The following RBMXL3 variants were observed in gnomAD, a reference collection of about 807,000 sequenced individuals.
RBMXL3 encodes the protein RNA-binding motif protein, X-linked-like-3.
A neutral mutation model predicts 0.8 loss-of-function variants in RBMXL3; 2 were observed. The ratio of observed to expected loss-of-function variants is 2.54; its 90% confidence interval spans 1.04 to 8.00. RBMXL3 has a LOEUF of 8.00. Ranked by LOEUF, RBMXL3 falls within the 30% of genes most tolerant of loss-of-function variation. The pLI is 0.04. For missense variants in RBMXL3, 1,127 were observed against 1,068.0 expected (o/e 1.06, Z -0.77); for synonymous variants, 447 against 449.8 (o/e 0.99, Z 0.08).
At position 115,192,091 on chromosome X, in the gene RBMXL3, G is replaced by T. The variant is rs2072839108; in HGVS notation, c.2650G>T (p.Asp884Tyr). The change falls in exon 1 of 1, where the codon GAC becomes TAC. Residue 884 changes from aspartate (D) to tyrosine (Y), a missense_variant. By Grantham distance (160) the Asp-to-Tyr change is radical. Coordinates refer to ENST00000424776, the MANE Select transcript of RBMXL3 (RefSeq NM_001145346.2). ...CCGATCGCCCGATGCCCACAGCGGG[G>T]ACCACTACACCGAAGCCTACAGCAG... ...RGRSPDAHSG[D>Y]HYTEAYSRGR... 1 of 1,167,231 alleles carries T rather than the reference G, an allele frequency of 8.6e-7. No homozygotes were observed. Among genetic ancestry groups the T allele is most frequent in the Non-Finnish European group, 1.1e-6 (1 of 872,955 alleles).
rs368928761 is a variant in RBMXL3 at position 115,190,590 on chromosome X, C to T, written c.1149C>T (p.Tyr383=). 43 of 1,159,972 alleles carry T rather than the reference C, an allele frequency of 3.7e-5. No individual in the cohort carries two copies. The highest frequency in any genetic ancestry group is 3.4e-4 in the African/African-American group (19 of 56,036). ...SSNGYSRSDR[Y]GEEGCYEEYR... The stretch of plus-strand genomic sequence containing the variant: ...ACGGTTACAGCCGGAGTGACCGCTA[C>T]GGAGAAGAAGGCTGCTACGAGGAGT... Residue 383 remains tyrosine (Y), a synonymous_variant, in exon 1 of 1, where the codon TAC becomes TAT. Coordinates refer to ENST00000424776, the MANE Select transcript of RBMXL3 (RefSeq NM_001145346.2).
In RBMXL3 at chrX:115,192,769, TA is replaced by T. The variant is rs1187257665; in HGVS notation, c.*126del. On this transcript the variant is annotated 3_prime_UTR_variant, in exon 1 of 1. Coordinates refer to ENST00000424776, the MANE Select transcript of RBMXL3 (RefSeq NM_001145346.2). ...TTTTTACCTTTTAAGAATTTCCTGTTAAGATCTCCATTTTTATGCTTTTGTG... is the reference window on the plus strand; with the variant it reads ...TTTTTACCTTTTAAGAATTTCCTGTTAGATCTCCATTTTTATGCTTTTGTG... 4.4e-6 allele frequency: 3 copies of T among 682,711 alleles called. No individual in the cohort carries two copies. Among genetic ancestry groups the T allele is most frequent in the Non-Finnish European group, 6.5e-6 (3 of 461,157 alleles). 56.3% of individuals were successfully genotyped at this position (682,711 alleles called of 1,213,427 possible).
Position 115,192,080 on chromosome X carries a change from C to A in RBMXL3, c.2639C>A (p.Ala880Asp). Residue 880 changes from alanine (A) to aspartate (D), a missense_variant, in exon 1 of 1, where the codon GCC (alanine) becomes GAC (aspartate). Physicochemically the swap from Ala to Asp is moderately radical, Grantham distance 126. Transcript: ENST00000424776. ...DTHSRGRSPD[A>D]HSGDHYTEAY... ...CACAGCAGGGGCCGATCGCCCGATG[C>A]CCACAGCGGGGACCACTACACCGAA... The A allele has an allele frequency of 8.6e-7, 1 of 1,164,955 alleles. No homozygotes were observed. Among genetic ancestry groups the A allele is most frequent in the South Asian group, 1.9e-5 (1 of 52,632 alleles).
In RBMXL3 at chrX:115,190,540, A is replaced by T; in HGVS notation, c.1099A>T (p.Ser367Cys). 8.6e-7 allele frequency: 1 copy of T among 1,159,488 alleles called. No individual in the cohort carries two copies. The highest frequency in any genetic ancestry group is 1.1e-6 in the Non-Finnish European group (1 of 869,660). Residue 367 changes from serine (S) to cysteine (C), a missense_variant, in exon 1 of 1, where the codon AGT becomes TGT. Ser to Cys is a moderately radical substitution (Grantham distance 112). Transcript: ENST00000424776. Reference sequence around the variant, plus strand: ...CAGGGACCACTCGCCCAAAGCCTATAGTGGGGGCCGCAGCAGTTCCAGTAA... The same window carrying T: ...CAGGGACCACTCGCCCAAAGCCTATTGTGGGGGCCGCAGCAGTTCCAGTAA... ...YSRDHSPKAYSGGRSSSSNGY... is the reference protein window; with the variant it reads ...YSRDHSPKAYCGGRSSSSNGY...
At position 115,191,905 on chromosome X, in the gene RBMXL3, C is replaced by T. The variant is rs1556560428; in HGVS notation, c.2464C>T (p.Arg822Ter). 6.0e-6 allele frequency: 7 copies of T among 1,164,585 alleles called. No homozygotes were observed. The South Asian group carries it at 7.6e-5, about 13-fold the overall frequency. ...CRGGGRYEEN[R>*]GHSLDANSGG... The stretch of plus-strand genomic sequence containing the variant: ...AGGAGGAGGCCGCTACGAGGAGAAC[C>T]GAGGTCACTCTCTCGATGCCAACAG... Residue 822 changes from arginine to a stop codon, truncating the protein, a stop_gained, in exon 1 of 1, where the codon CGA (arginine) becomes TGA (stop). Coordinates refer to ENST00000424776, the MANE Select transcript of RBMXL3 (RefSeq NM_001145346.2). LOFTEE classifies it low-confidence loss of function (END_TRUNC).
Position 115,191,251 on chromosome X carries a change from G to C in RBMXL3, c.1810G>C (p.Gly604Arg), listed in dbSNP as rs782710190. Residue 604 changes from glycine to arginine, a missense_variant, in exon 1 of 1, where the codon GGA becomes CGA. Physicochemically the swap from Gly to Arg is moderately radical, Grantham distance 125. Transcript: ENST00000424776. ...AGGCCGCTCCCTCGATGCCAACAGT[G>C]GAGGCCGCTCGCCCAATGCCTACAG... ...YRGRSLDANS[G>R]GRSPNAYSGG... is the part of the protein sequence containing the mutation. 3.5e-6 allele frequency: 4 copies of C among 1,153,387 alleles called. No homozygotes were observed. The South Asian group carries it at 7.7e-5, about 22-fold the overall frequency.
At position 115,189,727 on chromosome X, in the gene RBMXL3, C is replaced by A. The variant is rs1556556322; in HGVS notation, c.286C>A (p.Pro96Thr). 3 of 1,166,773 alleles carry A rather than the reference C, an allele frequency of 2.6e-6. No homozygotes were observed. In the African/African-American group the frequency reaches 5.3e-5, roughly 21 times the overall value. ...GGCATTCAAGAGCAGCCGATGGGTC[C>A]CGCCAACCCCCGGCAGCGGCAGTCG... ...KPAFKSSRWVPPTPGSGSRSR... is the reference protein window; with the variant it reads ...KPAFKSSRWVTPTPGSGSRSR... The change falls in exon 1 of 1, where the codon CCG becomes ACG. Residue 96 changes from proline to threonine, a missense_variant. Coordinates refer to ENST00000424776, the MANE Select transcript of RBMXL3 (RefSeq NM_001145346.2).
chrX:115,192,334 G>C lies in RBMXL3; in HGVS notation c.2893G>C (p.Asp965His). Residue 965 changes from aspartate to histidine, a missense_variant, in exon 1 of 1, where the codon GAC becomes CAC. Physicochemically the swap from Asp to His is moderately conservative, Grantham distance 81 (BLOSUM62 -1). Transcript: ENST00000424776. ...GCCTGACGCCCACAGTGGGGGCCGC[G>C]ACAGTTCCATCAAGAGTTACGGCCT... ...PSPDAHSGGR[D>H]SSIKSYGLSD... The C allele has an allele frequency of 6.5e-6, 7 of 1,080,699 alleles. No homozygotes were observed. The highest frequency in any genetic ancestry group is 8.7e-6 in the Non-Finnish European group (7 of 809,108). The allele number at this position is 1,080,699 out of a possible 1,213,427, so 89.1% of individuals were successfully genotyped here.
Position 115,191,664 on chromosome X carries a change from T to C in RBMXL3, c.2223T>C (p.Tyr741=), listed in dbSNP as rs782265644. The change falls in exon 1 of 1, where the codon TAT becomes TAC. Residue 741 remains tyrosine, a synonymous_variant. Transcript: ENST00000424776. ...ACAGTTCCAGCCAGAGCGACCACTA[T>C]GGAGGAGGAGGTCGCTCACTCGATG... ...GHDSSSQSDH[Y]GGGGRSLDAN... 3.5e-6 allele frequency: 4 copies of C among 1,139,938 alleles called. No individual in the cohort carries two copies. The highest frequency in any genetic ancestry group is 1.9e-5 in the South Asian group (1 of 51,777). 93.9% of individuals were successfully genotyped at this position (1,139,938 alleles called of 1,213,427 possible).
chrX:115,192,631 C>T lies in RBMXL3; in HGVS notation c.3190C>T (p.Arg1064Trp), dbSNP rs201685275. ...AGGCCGCTTCGAGAGGGGGGAAGGC[C>T]GGAGCAGATACTAAGCAGGAACAGA... is the stretch of plus-strand genomic sequence containing the variant. The part of the protein sequence containing the change: ...QGGRFERGEG[R>W]SRY Residue 1064 changes from arginine (R) to tryptophan (W), a missense_variant, in exon 1 of 1, where the codon CGG becomes TGG. Coordinates refer to ENST00000424776, the MANE Select transcript of RBMXL3 (RefSeq NM_001145346.2). 72 of 1,168,143 alleles carry T rather than the reference C, an allele frequency of 6.2e-5. No homozygotes were observed. Among genetic ancestry groups the T allele is most frequent in the Non-Finnish European group, 1.5e-5 (13 of 873,697 alleles).
Position 115,189,620 on chromosome X carries a change from C to A in RBMXL3, c.179C>A (p.Ala60Glu). 30 of 1,169,389 alleles carry A rather than the reference C, an allele frequency of 2.6e-5. No homozygotes were observed. The highest frequency in any genetic ancestry group is 3.4e-5 in the Non-Finnish European group (30 of 873,627). The change falls in exon 1 of 1, where the codon GCA (alanine) becomes GAA (glutamate). Residue 60 changes from alanine to glutamate, a missense_variant. Ala to Glu is a moderately radical substitution (Grantham distance 107). Coordinates refer to ENST00000424776, the MANE Select transcript of RBMXL3 (RefSeq NM_001145346.2). ...GCGTTCGTCACCTTCGAAAGCCCTGCAGACGCCAAGGCTGCCGCCAGAGAT... is the reference window on the plus strand; with the variant it reads ...GCGTTCGTCACCTTCGAAAGCCCTGAAGACGCCAAGGCTGCCGCCAGAGAT... Reference protein sequence around the residue: ...GFAFVTFESPADAKAAARDMN... With the variant: ...GFAFVTFESPEDAKAAARDMN...
rs1556556317 is a variant in RBMXL3 at position 115,189,724 on chromosome X, G to A, written c.283G>A (p.Val95Ile). The change falls in exon 1 of 1, where the codon GTC becomes ATC. Residue 95 changes from valine to isoleucine, a missense_variant. Val to Ile is a conservative substitution (Grantham distance 29). Coordinates refer to ENST00000424776, the MANE Select transcript of RBMXL3 (RefSeq NM_001145346.2). ...ACCGGCATTCAAGAGCAGCCGATGG[G>A]TCCCGCCAACCCCCGGCAGCGGCAG... ...IKPAFKSSRW[V>I]PPTPGSGSRS... 1 of 1,167,126 alleles carries A rather than the reference G, an allele frequency of 8.6e-7. No individual in the cohort carries two copies. The highest frequency in any genetic ancestry group is 1.1e-6 in the Non-Finnish European group (1 of 872,519).
In RBMXL3 at chrX:115,192,393, G is replaced by T. The variant is rs868943021; in HGVS notation, c.2952G>T (p.Glu984Asp). The change falls in exon 1 of 1, where the codon GAG becomes GAT. Residue 984 changes from glutamate (E) to aspartate (D), a missense_variant. By Grantham distance (45) the Glu-to-Asp change is conservative. Coordinates refer to ENST00000424776, the MANE Select transcript of RBMXL3 (RefSeq NM_001145346.2). The stretch of plus-strand genomic sequence containing the variant: ...GCTACGGAGGAGGAGGCCACTACGA[G>T]GAGTACCAGGGCAGCTTGCCTGACG... Reference protein sequence around the residue: ...SDRYGGGGHYEEYQGSLPDAY... With the variant: ...SDRYGGGGHYDEYQGSLPDAY... 3 of 1,166,106 alleles carry T rather than the reference G, an allele frequency of 2.6e-6. No individual in the cohort carries two copies. The African/African-American group carries it at 5.3e-5, about 21-fold the overall frequency.
chrX:115,189,664 G>T lies in RBMXL3; in HGVS notation c.223G>T (p.Asp75Tyr). ...AARDMNGKYL[D>Y]GKAIMVAQTI... ...CAGAGATATGAACGGCAAGTACCTG[G>T]ATGGTAAGGCCATCATGGTGGCCCA... is the stretch of plus-strand genomic sequence containing the variant. Residue 75 changes from aspartate (D) to tyrosine (Y), a missense_variant, in exon 1 of 1, where the codon GAT (aspartate) becomes TAT (tyrosine). Coordinates refer to ENST00000424776, the MANE Select transcript of RBMXL3 (RefSeq NM_001145346.2). The T allele has an allele frequency of 8.6e-7, 1 of 1,168,570 alleles. No homozygotes were observed. The highest frequency in any genetic ancestry group is 1.1e-6 in the Non-Finnish European group (1 of 873,329).
Position 115,189,960 on chromosome X carries a change from C to T in RBMXL3, c.519C>T (p.Ser173=), listed in dbSNP as rs956762582. ...KRATPSSLAH[S]VGCGMRGKAP... ...CCACGCCGTCGAGCCTGGCTCACAG[C>T]GTTGGCTGTGGAATGCGCGGGAAGG... Residue 173 remains serine (S), a synonymous_variant, in exon 1 of 1, where the codon AGC becomes AGT. Transcript: ENST00000424776. 6.0e-6 allele frequency: 7 copies of T among 1,162,668 alleles called. No individual in the cohort carries two copies. The highest frequency in any genetic ancestry group is 2.4e-4 in the Middle Eastern group (1 of 4,246).
rs782138795 is a variant in RBMXL3 at position 115,190,071 on chromosome X, G to C, written c.630G>C (p.Arg210=). 3.1e-5 allele frequency: 36 copies of C among 1,153,071 alleles called. 1 individual carries two copies. In the South Asian group the frequency reaches 5.9e-4, roughly 19 times the overall value. The part of the protein sequence containing the change: ...AGPPHKRAVP[R]SSLARIGGSG... ...CACCCCACAAGAGGGCTGTGCCCCG[G>C]TCAAGCCTGGCTCGCATTGGCGGCA... The change falls in exon 1 of 1, where the codon CGG becomes CGC. Residue 210 remains arginine (R), a synonymous_variant. Coordinates refer to ENST00000424776, the MANE Select transcript of RBMXL3 (RefSeq NM_001145346.2).
In RBMXL3 at chrX:115,189,805, C is replaced by T. The variant is rs1556556446; in HGVS notation, c.364C>T (p.Pro122Ser). Residue 122 changes from proline to serine, a missense_variant, in exon 1 of 1, where the codon CCC becomes TCC. Coordinates refer to ENST00000424776, the MANE Select transcript of RBMXL3 (RefSeq NM_001145346.2). ...GGGTGGCAGCAGCCCACAGCGACCC[C>T]CCTCTCAGGGCAGGCCTGATGACGG... is the stretch of plus-strand genomic sequence containing the variant. ...RGGGSSPQRP[P>S]SQGRPDDGRG... The T allele has an allele frequency of 3.4e-6, 4 of 1,166,364 alleles. No individual in the cohort carries two copies. The African/African-American group carries it at 7.1e-5, about 21-fold the overall frequency.
At position 115,192,071 on chromosome X, in the gene RBMXL3, C is replaced by G; in HGVS notation, c.2630C>G (p.Ser877Trp). The change falls in exon 1 of 1, where the codon TCG becomes TGG. Residue 877 changes from serine to tryptophan, a missense_variant. Ser to Trp is a radical substitution (Grantham distance 177, BLOSUM62 -3). Coordinates refer to ENST00000424776, the MANE Select transcript of RBMXL3 (RefSeq NM_001145346.2). ...CACGACACCCACAGCAGGGGCCGAT[C>G]GCCCGATGCCCACAGCGGGGACCAC... ...RSHDTHSRGRSPDAHSGDHYT... is the reference protein window; with the variant it reads ...RSHDTHSRGRWPDAHSGDHYT... The G allele has an allele frequency of 4.3e-6, 5 of 1,162,677 alleles. No individual in the cohort carries two copies. In the South Asian group the frequency reaches 9.5e-5, roughly 22 times the overall value.
rs1375870645 is a variant in RBMXL3, at chrX:115,192,741, T to C, written c.*96T>C. The C allele has an allele frequency of 1.7e-5, 15 of 891,492 alleles. No individual in the cohort carries two copies. The African/African-American group carries it at 2.4e-4, about 14-fold the overall frequency. 73.5% of individuals were successfully genotyped at this position (891,492 alleles called of 1,213,427 possible). ...ACCCAAGGACTAGTATAAGTAGGAG[T>C]TGTTTTTACCTTTTAAGAATTTCCT... On this transcript the variant is annotated 3_prime_UTR_variant, in exon 1 of 1. Coordinates refer to ENST00000424776, the MANE Select transcript of RBMXL3 (RefSeq NM_001145346.2).
Sources: gnomAD v4.1 joint callset for allele counts on GRCh38, gnomAD v4.1.1 for gene constraint, MANE v1.5 for transcripts, NCBI Gene and HGNC (gene_info 2026-07-23, HGNC 2026-07-21) for gene names.